Variants in ADCY10 observed in about 807,000 individuals in gnomAD.
ADCY10 encodes adenylate cyclase 10.
A neutral mutation model predicts 183.3 loss-of-function variants in ADCY10; 156 were observed. The observed-to-expected ratio is 0.85, with a 90% CI of 0.75 to 0.97. The LOEUF (loss-of-function observed/expected upper bound fraction) is 0.97. Among genes scored for constraint, ADCY10 ranks in the 50% least tolerant of loss-of-function variants. The pLI is 0.00. For synonymous variants in ADCY10, 645 were observed against 670.0 expected (o/e 0.96, Z 0.58); for missense variants, 1,745 against 1,934.3 (o/e 0.90, Z 1.84).
intron 8 of ADCY10, among the ~76,000 whole-genome samples, chr1:167,885,302 T>A (rs1429672875): frequency 6.6e-6 from 1 of 152,204 alleles, no homozygotes; most frequent in Non-Finnish European, 1.5e-5. Flanking sequence ...TGAGTATGTA[T>A]CTAGGAGTAG....
Position 167,893,852 on chromosome 1 carries a change from C to A in ADCY10, c.828+1G>T. Reference sequence around the variant, plus strand: ...GCCAGTAAATTCAATTTTGAAAATACCTGCTTCAAAATGCTTTCCATCACA... The same window carrying A: ...GCCAGTAAATTCAATTTTGAAAATAACTGCTTCAAAATGCTTTCCATCACA... On this transcript the variant is annotated splice_donor_variant, in intron 8 of 32. Coordinates refer to ENST00000367851, the MANE Select transcript of ADCY10 (RefSeq NM_018417.6). LOFTEE classifies it high-confidence loss of function. The A allele has an allele frequency of 6.2e-7, 1 of 1,605,040 alleles. No homozygotes were observed. The highest frequency in any genetic ancestry group is 8.5e-7 in the Non-Finnish European group (1 of 1,173,848).
intron 31 of ADCY10, among the ~76,000 whole-genome samples, chr1:167,816,892 T>C (rs72697792): frequency 0.1 from 15,982 of 152,260 alleles, 1,211 homozygotes; most frequent in East Asian, 0.38. Context: ...AAGGAGTAAG[T>C]GGAGGTAAAA....
rs1202052266 is a variant in ADCY10 at position 167,834,007 on chromosome 1, G to A, written c.3380C>T (p.Thr1127Ile). ...GCTGTAAAAGGTGGCAGACTCAAAT[G>A]TCTGGCTCCAAGATTTGTCCTTCTT... is the stretch of plus-strand genomic sequence containing the variant. ...TLKKDKSWSQ[T>I]FESATFYSLK... Residue 1127 changes from threonine (T) to isoleucine (I), a missense_variant, in exon 24 of 33, where the codon ACA becomes ATA. Physicochemically the swap from Thr to Ile is moderately conservative, Grantham distance 89. Coordinates refer to ENST00000367851, the MANE Select transcript of ADCY10 (RefSeq NM_018417.6). The A allele has an allele frequency of 1.2e-6, 2 of 1,614,138 alleles. No individual in the cohort carries two copies. Among genetic ancestry groups the A allele is most frequent in the Admixed American group, 1.7e-5 (1 of 60,032 alleles).
At chr1:167,868,062 C>A (rs1367551235) in intron 14 of ADCY10, among the ~76,000 whole-genome samples, 5 of 152,102 alleles carry the variant, frequency 3.3e-5, no homozygotes, top group African/African-American at 1.2e-4. Context: ...AGAGTAAATA[C>A]CTTAGTAAAA....
chr1:167,831,138 G>A (rs1663695970), intron 25 of ADCY10, among the ~76,000 whole-genome samples: 1 of 152,158 alleles, frequency 6.6e-6, no homozygotes, highest in Non-Finnish European at 1.5e-5. Context: ...AAATTATGAT[G>A]TGGAAATGAT....
rs1668633079 is a variant in ADCY10 at position 167,892,028 on chromosome 1, C to A, written c.828+1825G>T. The stretch of plus-strand genomic sequence containing the variant: ...TTGCTCTGTCCCCAAGGCTGGAGTG[C>A]AGTGGAGCAATCTCGGCTCACTGCA... On this transcript the variant is annotated intron_variant, in intron 8 of 32. Transcript: ENST00000367851. 2.0e-5 allele frequency among the ~76,000 whole-genome samples: 3 copies of A among 150,084 alleles called. No homozygotes were observed. In the South Asian group the frequency reaches 6.3e-4, roughly 32 times the overall value.
Position 167,878,590 on chromosome 1 carries a change from T to A in ADCY10, c.1262A>T (p.Tyr421Phe). The A allele has an allele frequency of 6.2e-7, 1 of 1,614,152 alleles. No individual in the cohort carries two copies. The highest frequency in any genetic ancestry group is 8.5e-7 in the Non-Finnish European group (1 of 1,180,024). The part of the protein sequence containing the change: ...VNLAARMMMY[Y>F]PGIVTCDSVT... ...AGAGTCGCAGGTCACAATTCCTGGG[T>A]AGTACATCATCATCCTGGCAGCTAA... Residue 421 changes from tyrosine (Y) to phenylalanine (F), a missense_variant, in exon 12 of 33, where the codon TAC becomes TTC. Tyr to Phe is a conservative substitution (Grantham distance 22, BLOSUM62 3). Transcript: ENST00000367851.
Position 167,883,530 on chromosome 1 carries a change from C to G in ADCY10, c.927G>C (p.Glu309Asp). 1 of 1,614,264 alleles carries G rather than the reference C, an allele frequency of 6.2e-7. No individual in the cohort carries two copies. The highest frequency in any genetic ancestry group is 1.1e-5 in the South Asian group (1 of 91,088). ...AGGCATCCTGGATGGCTGGGCCTATCTCTTCTGCTTTGTCTTGGTCTTCAA... is the reference window on the plus strand; with the variant it reads ...AGGCATCCTGGATGGCTGGGCCTATGTCTTCTGCTTTGTCTTGGTCTTCAA... ...LMFEDQDKAE[E>D]IGPAIQDAYM... The change falls in exon 9 of 33, where the codon GAG becomes GAC. Residue 309 changes from glutamate to aspartate, a missense_variant. Physicochemically the swap from Glu to Asp is conservative, Grantham distance 45. Transcript: ENST00000367851.
chr1:167,836,240 G>T, intron 23 of ADCY10, 69 bp downstream of exon 23: 1 of 1,038,884 alleles, frequency 9.6e-7, no homozygotes, highest in Non-Finnish European at 1.5e-6. Flanking sequence ...GCATGCTGGA[G>T]CTTCCTTCTG....
chr1:167,888,653 G>A (rs1489974185), intron 8 of ADCY10, among the ~76,000 whole-genome samples: 1 of 152,046 alleles, frequency 6.6e-6, no homozygotes, highest in Non-Finnish European at 1.5e-5. Flanking sequence ...GAGGCGGGCG[G>A]ATCACGAGGT....
At chr1:167,814,670 C>T (rs921481990) in intron 31 of ADCY10, among the ~76,000 whole-genome samples, 3 of 152,056 alleles carry the variant, frequency 2.0e-5, no homozygotes, top group Non-Finnish European at 4.4e-5. Flanking sequence ...AACAAACATA[C>T]ACTTAATGGG....
chr1:167,842,147 C>G (rs538231468), intron 21 of ADCY10, among the ~76,000 whole-genome samples: 2 of 152,284 alleles, frequency 1.3e-5, no homozygotes, highest in Admixed American at 1.3e-4. Flanking sequence ...TGCAGTAGCC[C>G]TGAATCTCCT....
At chr1:167,888,893 A>AAG (rs1553277572) in intron 8 of ADCY10, among the ~76,000 whole-genome samples, 6 of 151,406 alleles carry the variant, frequency 4.0e-5, no homozygotes, top group Non-Finnish European at 7.4e-5. Context: ...AAAAAAAAGA[A>AAG]AAAGAAAGAA....
At chr1:167,886,273 C>G (rs531014185) in intron 8 of ADCY10, among the ~76,000 whole-genome samples, 9 of 152,184 alleles carry the variant, frequency 5.9e-5, no homozygotes, top group African/African-American at 2.2e-4. Context: ...AAGCTGGAGG[C>G]ATCATGCTAC....
At position 167,859,894 on chromosome 1, in the gene ADCY10, C is replaced by T; in HGVS notation, c.1810-1G>A. ...TGGAAATCTCCCGAGAAATAGGGAA[C>T]TGTACAAAGAATTATGAGAATATTG... On this transcript the variant is annotated splice_acceptor_variant, in intron 15 of 32. Coordinates refer to ENST00000367851, the MANE Select transcript of ADCY10 (RefSeq NM_018417.6). LOFTEE classifies it high-confidence loss of function. 1 of 1,604,536 alleles carries T rather than the reference C, an allele frequency of 6.2e-7. No homozygotes were observed. Among genetic ancestry groups the T allele is most frequent in the Non-Finnish European group, 8.5e-7 (1 of 1,171,374 alleles).
At chr1:167,899,317 T>G (rs1449607094) in intron 6 of ADCY10, 106 bp downstream of exon 6, 1 of 1,155,334 alleles carries the variant, frequency 8.7e-7, no homozygotes, top group Non-Finnish European at 1.3e-6. Flanking sequence ...CATCCCAATC[T>G]CCAGCCCAGG....
chr1:167,873,073 A>AG (rs747253529), intron 13 of ADCY10, among the ~76,000 whole-genome samples: 6 of 152,002 alleles, frequency 3.9e-5, no homozygotes, highest in Middle Eastern at 3.2e-3. Context: ...CTGTCTCAAA[A>AG]GAAAAAAAAA....
intron 7 of ADCY10, among the ~76,000 whole-genome samples, chr1:167,894,619 A>ATGTGTG (rs138742358): frequency 1.3e-5 from 2 of 151,348 alleles, no homozygotes; most frequent in Admixed American, 6.6e-5. Flanking sequence ...GTGAAAAAAA[A>ATGTGTG]TGTGTGTGTG....
At chr1:167,860,176 C>A (rs1666192047) in intron 15 of ADCY10, among the ~76,000 whole-genome samples, 1 of 152,116 alleles carries the variant, frequency 6.6e-6, no homozygotes, top group Non-Finnish European at 1.5e-5. Context: ...AATTATACAA[C>A]TCACCATAAT....
Sources: allele counts gnomAD v4.1 joint callset (sites outside exome capture counted in the v4.1 genomes callset), GRCh38; gene constraint gnomAD v4.1.1; transcripts MANE v1.5; gene names NCBI Gene and HGNC (gene_info 2026-07-23, HGNC 2026-07-21).